The following LMNTD1 variants were observed in gnomAD, a reference collection of about 807,000 sequenced individuals.
LMNTD1 encodes lamin tail domain containing 1.
In LMNTD1, 35 loss-of-function variants were observed where a neutral mutation model predicts 50.9. The observed-to-expected ratio is 0.69, with a 90% CI of 0.53 to 0.91. The LOEUF is 0.91. LMNTD1 is among the 40% of genes least tolerant of loss of function. LMNTD1 has a pLI of 0.00. For synonymous variants in LMNTD1, 153 were observed against 161.9 expected (o/e 0.94, Z 0.42); for missense variants, 470 against 475.5 (o/e 0.99, Z 0.11).
At position 25,561,534 on chromosome 12, in the gene LMNTD1, A is replaced by G. The variant is rs1944324402; in HGVS notation, c.59-14980T>C. Among the ~76,000 whole-genome samples the G allele has an allele frequency of 3.9e-5, 6 of 152,114 alleles. No homozygotes were observed. The South Asian group carries it at 1.2e-3, about 32-fold the overall frequency. ...TTCCTTATAATTTCTGTTCTTTTAC[A>G]TTTGCTGAGGAGTGCTTTACTTTCA... On this transcript the variant is annotated intron_variant, in intron 1 of 7. Transcript: ENST00000445693.
intron 1 of LMNTD1, among the ~76,000 whole-genome samples, chr12:25,608,462 G>A (rs1226507312): frequency 6.6e-6 from 1 of 152,206 alleles, no homozygotes; most frequent in African/African-American, 2.4e-5. Flanking sequence ...TTTTTGCAGT[G>A]ACTGGTACTG....
intron 8 of LMNTD1, among the ~76,000 whole-genome samples, chr12:25,514,534 G>T (rs1013382593): frequency 1.4e-5 from 2 of 143,988 alleles, no homozygotes; most frequent in Non-Finnish European, 3.0e-5. Flanking sequence ...TTGCAGGGCA[G>T]GGAGGTAAGG....
intron 9 of LMNTD1, among the ~76,000 whole-genome samples, chr12:25,489,634 G>A (rs987906739): frequency 4.6e-5 from 7 of 151,826 alleles, no homozygotes; most frequent in African/African-American, 9.7e-5. Context: ...GTTCCTATTC[G>A]GCCATCTTGG....
chr12:25,489,288 G>GGC (rs529359593), intron 9 of LMNTD1, among the ~76,000 whole-genome samples: 79 of 150,584 alleles, frequency 5.2e-4, no homozygotes, highest in Middle Eastern at 6.8e-3. Flanking sequence ...AGATTCCGTG[G>GGC]GCGTAGGACC....
At position 25,526,222 on chromosome 12, in the gene LMNTD1, T is replaced by C. The variant is rs781343664; in HGVS notation, c.679-4A>G. 4.4e-6 allele frequency: 7 copies of C among 1,603,128 alleles called. No homozygotes were observed. Among genetic ancestry groups the C allele is most frequent in the Admixed American group, 1.7e-5 (1 of 57,476 alleles). ...CTTCAGATGCTGCTGCCCACACCTG[T>C]AATAAAATTGTTAATGACAAATGCC... On this transcript the variant is annotated splice_polypyrimidine_tract_variant and splice_region_variant and intron_variant, in intron 5 of 9. Coordinates refer to ENST00000458174, the MANE Select transcript of LMNTD1 (RefSeq NM_001145728.2).
chr12:25,644,546 AAAAC>A (rs771896209), intron 1 of LMNTD1, among the ~76,000 whole-genome samples: 20 of 152,136 alleles, frequency 1.3e-4, no homozygotes, highest in Non-Finnish European at 2.5e-4. Flanking sequence ...AACAACCACC[AAAAC>A]AAACAAACAA....
At position 25,552,968 on chromosome 12, in the gene LMNTD1, G is replaced by A; in HGVS notation, c.-9C>T. The A allele has an allele frequency of 6.2e-7, 1 of 1,600,136 alleles. No homozygotes were observed. Among genetic ancestry groups the A allele is most frequent in the Non-Finnish European group, 8.5e-7 (1 of 1,172,234 alleles). On this transcript the variant is annotated 5_prime_UTR_variant, in exon 2 of 10. Transcript: ENST00000458174. ...TCTTGTGTATCTTTCATCTTGGCTA[G>A]AAAAGAAGTCTCTTTTCTTTCCTAG...
chr12:25,622,744 A>G (rs1430953795), intron 1 of LMNTD1, among the ~76,000 whole-genome samples: 1 of 152,140 alleles, frequency 6.6e-6, no homozygotes, highest in Non-Finnish European at 1.5e-5. Flanking sequence ...TTCAGAGATG[A>G]TCCCTCTGAA....
chr12:25,556,603 GTCA>G (rs113580703), upstream of LMNTD1, among the ~76,000 whole-genome samples: 3 of 152,208 alleles, frequency 2.0e-5, no homozygotes, highest in African/African-American at 7.2e-5. Flanking sequence ...TTGGCACTCT[GTCA>G]ATTCTCTTTG....
chr12:25,557,898 G>A (rs1354822356), upstream of LMNTD1, among the ~76,000 whole-genome samples: 1 of 152,178 alleles, frequency 6.6e-6, no homozygotes, highest in African/African-American at 2.4e-5. Flanking sequence ...GCCAAAGCCT[G>A]TAACACATTA....
intron 1 of LMNTD1, among the ~76,000 whole-genome samples, chr12:25,598,403 G>T (rs1021479830): frequency 1.3e-5 from 2 of 151,564 alleles, no homozygotes; most frequent in East Asian, 3.9e-4. Context: ...ATCAAAAAAA[G>T]AAGAAAAATT....
At chr12:25,542,697 T>G (rs1341310658) in intron 4 of LMNTD1, among the ~76,000 whole-genome samples, 1 of 149,750 alleles carries the variant, frequency 6.7e-6, no homozygotes, top group East Asian at 2.0e-4. Flanking sequence ...AATGTGCACA[T>G]GTACCCTAAA....
chr12:25,605,554 T>C (rs1325108269), intron 1 of LMNTD1, among the ~76,000 whole-genome samples: 3 of 152,228 alleles, frequency 2.0e-5, no homozygotes, highest in Non-Finnish European at 4.4e-5. Context: ...TTCAGCTTTC[T>C]ACATATGGCC....
intron 1 of LMNTD1, among the ~76,000 whole-genome samples, chr12:25,629,783 A>G (rs1946673671): frequency 6.6e-6 from 1 of 152,184 alleles, no homozygotes; most frequent in Admixed American, 6.5e-5. Flanking sequence ...AAAATGGCAG[A>G]CCAGGTAGAA....
chr12:25,610,804 C>T (rs1240770915), intron 1 of LMNTD1, among the ~76,000 whole-genome samples: 1 of 152,096 alleles, frequency 6.6e-6, no homozygotes, highest in Non-Finnish European at 1.5e-5. Flanking sequence ...ATAGTGGTCT[C>T]ATTGATTAGA....
chr12:25,581,919 C>T (rs1945308642), intron 1 of LMNTD1, among the ~76,000 whole-genome samples: 1 of 152,156 alleles, frequency 6.6e-6, no homozygotes, highest in Non-Finnish European at 1.5e-5. Flanking sequence ...GTTATGAGAC[C>T]ACTGTCATAT....
chr12:25,531,307 A>T (rs1292760270), intron 4 of LMNTD1, among the ~76,000 whole-genome samples: 1 of 152,208 alleles, frequency 6.6e-6, no homozygotes, highest in Admixed American at 6.5e-5. Flanking sequence ...TAAGTCACTA[A>T]GTTGGTGGTA....
chr12:25,627,279 G>T (rs1946610115), intron 1 of LMNTD1, among the ~76,000 whole-genome samples: 1 of 152,188 alleles, frequency 6.6e-6, no homozygotes, highest in South Asian at 2.1e-4. Context: ...ATGGAGGGAG[G>T]TTTGTTCTTT....
At chr12:25,584,078 G>A (rs1945421182) in intron 1 of LMNTD1, among the ~76,000 whole-genome samples, 1 of 152,254 alleles carries the variant, frequency 6.6e-6, no homozygotes, top group Admixed American at 6.5e-5. Flanking sequence ...TAGTTTGAAA[G>A]CAAAGCTGGC....
Sources: allele counts gnomAD v4.1 joint callset (sites outside exome capture counted in the v4.1 genomes callset), GRCh38; gene constraint gnomAD v4.1.1; transcripts MANE v1.5; gene names NCBI Gene and HGNC (gene_info 2026-07-23, HGNC 2026-07-21).